MRLN: variants seen among roughly 807,000 people sequenced by gnomAD.
MRLN encodes myoregulin.
intron 1 of MRLN, among the ~76,000 whole-genome samples, chr10:59,745,494 AC>A (rs927624539): frequency 1.4e-4 from 5 of 36,052 alleles, no homozygotes; most frequent in Non-Finnish European, 2.8e-4. Context: ...TCCCCCCCCC[AC>A]CCCCCACCCC....
intron 2 of MRLN, 143 bp from the exon 3 acceptor site, chr10:59,737,363 A>G (rs1258088845): frequency 2.8e-6 from 1 of 359,630 alleles, no homozygotes; most frequent in Non-Finnish European, 5.0e-6. Flanking sequence ...GTAACCAATC[A>G]ATGAAATAAA....
chr10:59,741,600 TACTG>T (rs1375135861), intron 1 of MRLN, among the ~76,000 whole-genome samples: 2 of 152,140 alleles, frequency 1.3e-5, no homozygotes, highest in Admixed American at 6.5e-5. Context: ...CCCAGGCTGA[TACTG>T]AAGCCCTGAG....
chr10:59,740,828 T>C (rs946490898), intron 1 of MRLN, among the ~76,000 whole-genome samples: 1 of 151,480 alleles, frequency 6.6e-6, no homozygotes, highest in African/African-American at 2.4e-5. Flanking sequence ...ACAGAGTCTC[T>C]CTCTTATCGC....
intron 1 of MRLN, among the ~76,000 whole-genome samples, chr10:59,751,540 C>T (rs1374264001): frequency 6.6e-6 from 1 of 151,756 alleles, no homozygotes; most frequent in Non-Finnish European, 1.5e-5. Flanking sequence ...CATGTTGGTG[C>T]ACACCTGTAG....
At chr10:59,738,716 T>A (rs891314796) in intron 1 of MRLN, 154 bp from the exon 2 acceptor site, 10 of 152,242 alleles carry the variant, frequency 6.6e-5, no homozygotes, top group African/African-American at 2.4e-4. Context: ...TATGACACTT[T>A]AATTTCTGTT....
intron 1 of MRLN, among the ~76,000 whole-genome samples, chr10:59,740,480 G>A (rs988441508): frequency 3.9e-5 from 6 of 152,120 alleles, no homozygotes; most frequent in African/African-American, 1.4e-4. Context: ...AGACCTTCCA[G>A]TGGGACAAGA....
At chr10:59,752,508 TCAA>T (rs527688145) in intron 1 of MRLN, among the ~76,000 whole-genome samples, 1 of 152,186 alleles carries the variant, frequency 6.6e-6, no homozygotes, top group Non-Finnish European at 1.5e-5. Context: ...AAGCCAGGGC[TCAA>T]CAACAAGACC....
intron 1 of MRLN, chr10:59,739,362 C>T (rs926496368): frequency 6.6e-6 from 1 of 152,168 alleles, no homozygotes; most frequent in Non-Finnish European, 1.5e-5. Context: ...CATAAATGCT[C>T]AAGTCCCTGA....
intron 1 of MRLN, among the ~76,000 whole-genome samples, chr10:59,752,208 T>G (rs965794526): frequency 1.6e-4 from 25 of 152,170 alleles, no homozygotes; most frequent in African/African-American, 5.8e-4. Flanking sequence ...AAGTCAGATA[T>G]CGCCTCTACA....
At chr10:59,746,331 C>T (rs918545464) in intron 1 of MRLN, among the ~76,000 whole-genome samples, 2 of 152,010 alleles carry the variant, frequency 1.3e-5, no homozygotes, top group African/African-American at 2.4e-5. Flanking sequence ...TTATAATAAC[C>T]ACCATTTATT....
At chr10:59,738,166 C>T (rs761579891) in intron 2 of MRLN, 2 of 152,184 alleles carry the variant, frequency 1.3e-5, no homozygotes, top group Admixed American at 6.5e-5. Flanking sequence ...AATTACTTGC[C>T]CCAAATTATA....
intron 1 of MRLN, among the ~76,000 whole-genome samples, chr10:59,744,537 G>A (rs61861085): frequency 0.18 from 27,026 of 150,880 alleles, 3,179 homozygotes; most frequent in Middle Eastern, 0.31. Context: ...GTGGGGGAGC[G>A]CGCCTCTGCC....
chr10:59,752,316 A>G (rs1166510402), intron 1 of MRLN, among the ~76,000 whole-genome samples: 1 of 152,258 alleles, frequency 6.6e-6, no homozygotes, highest in Non-Finnish European at 1.5e-5. Flanking sequence ...GGAAAAATTC[A>G]AAGAAGGAAT....
chr10:59,747,195 G>A (rs1751052071), intron 1 of MRLN, among the ~76,000 whole-genome samples: 1 of 152,010 alleles, frequency 6.6e-6, no homozygotes, highest in South Asian at 2.1e-4. Context: ...TTACCTTATG[G>A]CTAACAAGTT....
chr10:59,741,000 G>A (rs1341430965), intron 1 of MRLN, among the ~76,000 whole-genome samples: 1 of 152,070 alleles, frequency 6.6e-6, no homozygotes, highest in African/African-American at 2.4e-5. Flanking sequence ...ATTTCACCAT[G>A]TTGGCCAGGC....
At chr10:59,740,499 T>C (rs937679794) in intron 1 of MRLN, among the ~76,000 whole-genome samples, 1 of 152,160 alleles carries the variant, frequency 6.6e-6, no homozygotes, top group African/African-American at 2.4e-5. Flanking sequence ...GATGCCGACG[T>C]GGACGACAGT....
rs114263131 is a variant in MRLN at position 59,751,720 on chromosome 10, G to A, written c.-125+1634C>T. Reference sequence around the variant, plus strand: ...TACCCAAGGAGGAGTACTGAACCATGAGTAAGCCCATTCTGACTTTTATAG... The same window carrying A: ...TACCCAAGGAGGAGTACTGAACCATAAGTAAGCCCATTCTGACTTTTATAG... On this transcript the variant is annotated intron_variant, in intron 1 of 2. Transcript: ENST00000414264. Among the ~76,000 whole-genome samples, 574 of 148,432 alleles carry A rather than the reference G, an allele frequency of 3.9e-3. 5 individuals are homozygous for A. The highest frequency in any genetic ancestry group is 0.013 in the African/African-American group (522 of 40,436).
intron 1 of MRLN, among the ~76,000 whole-genome samples, chr10:59,748,742 C>T (rs916968506): frequency 6.6e-6 from 1 of 152,200 alleles, no homozygotes; most frequent in African/African-American, 2.4e-5. Flanking sequence ...CTACAATTGC[C>T]TCAGCAATTT....
intron 1 of MRLN, among the ~76,000 whole-genome samples, chr10:59,743,856 G>A (rs189703255): frequency 6.6e-6 from 1 of 152,270 alleles, no homozygotes; most frequent in Non-Finnish European, 1.5e-5. Flanking sequence ...GGTGGAGACG[G>A]GGTTTCGCCA....
Sources: gnomAD v4.1 joint callset for allele counts (sites outside exome capture counted in the v4.1 genomes callset) on GRCh38, gnomAD v4.1.1 for gene constraint, MANE v1.5 for transcripts, NCBI Gene and HGNC (gene_info 2026-07-23, HGNC 2026-07-21) for gene names.